The following SORCS1 variants were observed in gnomAD, a reference collection of about 807,000 sequenced individuals.
The protein encoded by SORCS1 is sortilin related VPS10 domain containing receptor 1.
Under a neutral mutation model 146.1 loss-of-function variants are expected in SORCS1, and 60 were observed. That is an observed-to-expected ratio of 0.41 (90% confidence interval 0.33 to 0.51). The LOEUF (loss-of-function observed/expected upper bound fraction) is 0.51, where lower values mean the gene tolerates loss of function less well. SORCS1 is among the 20% of genes least tolerant of loss of function. The pLI is 0.21. For synonymous variants in SORCS1, 637 were observed against 584.0 expected (o/e 1.09, Z -1.31); for missense variants, 1,352 against 1,487.6 (o/e 0.91, Z 1.50).
At chr10:106,752,911 G>A (rs778388420) in intron 5 of SORCS1, among the ~76,000 whole-genome samples, 25 of 152,094 alleles carry the variant, frequency 1.6e-4, no homozygotes, top group Non-Finnish European at 2.9e-4. Context: ...TGAGGAATCA[G>A]GAAATATGGA....
the SORCS1 span, among the ~76,000 whole-genome samples, chr10:107,172,700 CT>C: frequency 6.6e-6 from 1 of 152,114 alleles, no homozygotes; most frequent in African/African-American, 2.4e-5. Flanking sequence ...TTTTAATAGC[CT>C]TTCTTAATAT....
At chr10:106,594,200 C>T (rs534444302) in intron 24 of SORCS1, among the ~76,000 whole-genome samples, 4 of 152,220 alleles carry the variant, frequency 2.6e-5, no homozygotes, top group Non-Finnish European at 5.9e-5. Flanking sequence ...GGTCCCAGCT[C>T]TAAACTATTT....
intron 5 of SORCS1, among the ~76,000 whole-genome samples, chr10:106,731,557 T>C (rs138012808): frequency 6.1e-4 from 93 of 152,300 alleles, no homozygotes; most frequent in Admixed American, 1.3e-3. Context: ...GAAAAGTCAC[T>C]TCCTCTGTTA....
chr10:106,986,785 C>G (rs1014882255), intron 1 of SORCS1, among the ~76,000 whole-genome samples: 1 of 152,096 alleles, frequency 6.6e-6, no homozygotes, highest in African/African-American at 2.4e-5. Flanking sequence ...CATTTTAGAT[C>G]GTATGTTTTC....
intron 7 of SORCS1, among the ~76,000 whole-genome samples, chr10:106,708,247 T>G (rs1479988991): frequency 4.9e-5 from 5 of 102,452 alleles, no homozygotes; most frequent in African/African-American, 3.2e-4. Flanking sequence ...AAAGAAATGG[T>G]GTGTGTGTGT....
intron 6 of SORCS1, among the ~76,000 whole-genome samples, chr10:106,713,708 C>G (rs758678020): frequency 1.3e-5 from 2 of 151,998 alleles, no homozygotes; most frequent in African/African-American, 4.8e-5. Context: ...TGTGTAGAAA[C>G]GGCAGTATGT....
intron 1 of SORCS1, among the ~76,000 whole-genome samples, chr10:107,143,312 C>A (rs564486710): frequency 1.3e-5 from 2 of 151,950 alleles, no homozygotes; most frequent in African/African-American, 4.8e-5. Flanking sequence ...CAATAAAGTC[C>A]AATCTCTTAT....
At chr10:106,648,488 C>A (rs1046836153) in intron 18 of SORCS1, among the ~76,000 whole-genome samples, 1 of 152,114 alleles carries the variant, frequency 6.6e-6, no homozygotes, top group East Asian at 1.9e-4. Flanking sequence ...ATTTTAAATC[C>A]CACAGCTGAT....
At chr10:107,001,652 C>T (rs543544442) in intron 1 of SORCS1, among the ~76,000 whole-genome samples, 1 of 152,250 alleles carries the variant, frequency 6.6e-6, no homozygotes, top group East Asian at 1.9e-4. Flanking sequence ...TTAGCAGAGA[C>T]AGGGTTTCAT....
intron 21 of SORCS1, among the ~76,000 whole-genome samples, chr10:106,616,860 A>T (rs1372246421): frequency 6.6e-6 from 1 of 152,130 alleles, no homozygotes; most frequent in Non-Finnish European, 1.5e-5. Context: ...ATCCAGCCCC[A>T]AATTATCTCA....
At chr10:106,757,187 T>C (rs1019609899) in intron 5 of SORCS1, among the ~76,000 whole-genome samples, 1 of 152,196 alleles carries the variant, frequency 6.6e-6, no homozygotes, top group Non-Finnish European at 1.5e-5. Context: ...AGGGGTGGCA[T>C]GACCATTGCT....
At chr10:106,907,025 A>G (rs1357122103) in intron 2 of SORCS1, among the ~76,000 whole-genome samples, 1 of 152,226 alleles carries the variant, frequency 6.6e-6, no homozygotes. Flanking sequence ...AAAGATTGAA[A>G]AAGAATGATA....
At position 106,902,679 on chromosome 10, in the gene SORCS1, A is replaced by G. The variant is rs539351296; in HGVS notation, c.626+53834T>C. On this transcript the variant is annotated intron_variant, in intron 2 of 25. Transcript: ENST00000263054. ...ATTTACATGTATAAAATATGCATGC[A>G]TACTTTTTATATTTACATGAAGTTA... 1.9e-3 allele frequency among the ~76,000 whole-genome samples: 293 copies of G among 152,386 alleles called. 5 individuals carry two copies. Among genetic ancestry groups the G allele is most frequent in the African/African-American group, 6.9e-3 (286 of 41,596 alleles).
At chr10:106,867,270 T>C (rs1167050044) in intron 2 of SORCS1, among the ~76,000 whole-genome samples, 1 of 151,960 alleles carries the variant, frequency 6.6e-6, no homozygotes, top group South Asian at 2.1e-4. Context: ...CTAGGACAGA[T>C]TGGAAGCTTA....
intron 3 of SORCS1, among the ~76,000 whole-genome samples, chr10:106,805,472 T>C (rs1402139659): frequency 6.6e-6 from 1 of 152,170 alleles, no homozygotes; most frequent in Non-Finnish European, 1.5e-5. Flanking sequence ...AACTACAATA[T>C]GTTAAGTAGA....
At chr10:106,607,355 A>G in intron 22 of SORCS1, 58 bp from the exon 23 acceptor site, 1 of 1,600,096 alleles carries the variant, frequency 6.2e-7, no homozygotes, top group African/African-American at 1.3e-5. Context: ...CTGAGAAGGG[A>G]CCAAGTATTT....
At chr10:106,977,253 C>T (rs1182940718) in intron 1 of SORCS1, among the ~76,000 whole-genome samples, 2 of 152,138 alleles carry the variant, frequency 1.3e-5, no homozygotes, top group Non-Finnish European at 2.9e-5. Flanking sequence ...AGATGGTATC[C>T]CATTGTGGTT....
chr10:106,814,728 C>T (rs533429210), intron 3 of SORCS1, among the ~76,000 whole-genome samples: 144 of 151,926 alleles, frequency 9.5e-4, no homozygotes, highest in Non-Finnish European at 1.7e-3. Context: ...TCCTGGCTAA[C>T]GTGGTGAAAC....
In SORCS1 at chr10:106,730,075, A is replaced by G. The variant is rs781122390; in HGVS notation, c.999T>C (p.His333=). ...MGSNKEPDLV[H]LEARTVDGHS... is the part of the protein sequence containing the mutation. The stretch of plus-strand genomic sequence containing the variant: ...GACCATCCACAGTTCTGGCCTCAAG[A>G]TGCACAAGGTCTGGTTCTTTATTTG... Residue 333 remains histidine, a synonymous_variant, in exon 6 of 26, where the codon CAT becomes CAC. Transcript: ENST00000263054. 6.8e-6 allele frequency: 11 copies of G among 1,614,170 alleles called. No individual in the cohort carries two copies. In the Admixed American group the frequency reaches 1.8e-4, roughly 27 times the overall value.
Sources: gnomAD v4.1 joint callset for allele counts (sites outside exome capture counted in the v4.1 genomes callset) on GRCh38, gnomAD v4.1.1 for gene constraint, MANE v1.5 for transcripts, NCBI Gene and HGNC (gene_info 2026-07-23, HGNC 2026-07-21) for gene names.